Variants in RAP1GDS1 observed in about 807,000 individuals in gnomAD.
RAP1GDS1 encodes the protein Rap1 GTPase-GDP dissociation stimulator 1.
RAP1GDS1 carries 35 observed loss-of-function variants against 71.1 expected under a neutral mutation model. The observed-to-expected ratio is 0.49, with a 90% CI of 0.38 to 0.65. The LOEUF (loss-of-function observed/expected upper bound fraction) is 0.65. Among genes scored for constraint, RAP1GDS1 ranks in the 30% least tolerant of loss-of-function variants. RAP1GDS1 has a pLI of 0.00. For synonymous variants in RAP1GDS1, 229 were observed against 243.1 expected, an observed-to-expected ratio of 0.94 and a Z score of 0.54; for missense variants, 663 against 706.1, an observed-to-expected ratio of 0.94 and a Z score of 0.69.
chr4:98,402,893 G>A lies in RAP1GDS1; in HGVS notation c.638-1584G>A, dbSNP rs187923206. Among the ~76,000 whole-genome samples the A allele has an allele frequency of 3.2e-3, 486 of 152,232 alleles. 2 individuals are homozygous for A. The highest frequency in any genetic ancestry group is 0.011 in the African/African-American group (457 of 41,544). ...AGCTTATAGTTTAGTGTGTAAGATG[G>A]ACATTTATTTTAAAATAGTTTGCAA... On this transcript the variant is annotated intron_variant, in intron 6 of 14. Coordinates refer to ENST00000408927, the MANE Select transcript of RAP1GDS1 (RefSeq NM_001100427.2).
At chr4:98,368,006 G>C (rs1472832815) in intron 4 of RAP1GDS1, among the ~76,000 whole-genome samples, 1 of 152,050 alleles carries the variant, frequency 6.6e-6, no homozygotes, top group Non-Finnish European at 1.5e-5. Flanking sequence ...GAGGGGCCGG[G>C]GGTGGAATGA....
intron 5 of RAP1GDS1, chr4:98,387,572 C>T: frequency 4.9e-6 from 2 of 412,068 alleles, no homozygotes; most frequent in Non-Finnish European, 1.0e-5. Context: ...ATCTGTATTG[C>T]ACCCCCTCAG....
At chr4:98,411,911 C>G (rs1364493992) in intron 7 of RAP1GDS1, among the ~76,000 whole-genome samples, 1 of 152,178 alleles carries the variant, frequency 6.6e-6, no homozygotes, top group Non-Finnish European at 1.5e-5. Flanking sequence ...CCCTAGCATT[C>G]TGTAACCAAG....
chr4:98,333,984 A>G (rs146910107), intron 2 of RAP1GDS1, among the ~76,000 whole-genome samples: 27 of 152,298 alleles, frequency 1.8e-4, no homozygotes, highest in African/African-American at 6.3e-4. Context: ...CTGTCTGACC[A>G]GTAAACTTAG....
At chr4:98,349,495 T>A (rs1736818526) in intron 3 of RAP1GDS1, among the ~76,000 whole-genome samples, 1 of 152,224 alleles carries the variant, frequency 6.6e-6, no homozygotes, top group Non-Finnish European at 1.5e-5. Flanking sequence ...TTTTTCCAAT[T>A]CTGTGAAGGA....
At chr4:98,263,624 T>C (rs1578231968) in intron 1 of RAP1GDS1, among the ~76,000 whole-genome samples, 1 of 152,228 alleles carries the variant, frequency 6.6e-6, no homozygotes, top group African/African-American at 2.4e-5. Context: ...CATTTAATCA[T>C]GAGTCCCAGA....
chr4:98,303,599 G>A (rs1296307179), intron 2 of RAP1GDS1, among the ~76,000 whole-genome samples: 3 of 144,544 alleles, frequency 2.1e-5, no homozygotes, highest in African/African-American at 7.6e-5. Context: ...GAAAATGCAG[G>A]TTAGAAGAAA....
At position 98,352,586 on chromosome 4, in the gene RAP1GDS1, A is replaced by G. The variant is rs1218164330; in HGVS notation, c.346A>G (p.Ile116Val). 3.7e-6 allele frequency: 6 copies of G among 1,613,816 alleles called. No individual in the cohort carries two copies. In the Admixed American group the frequency reaches 8.3e-5, roughly 22 times the overall value. Reference sequence around the variant, plus strand: ...TCAAACGGGCAGGGCTCTAGGAAACATATGTTACGATAGCCGTAAGTGTTG... The same window carrying G: ...TCAAACGGGCAGGGCTCTAGGAAACGTATGTTACGATAGCCGTAAGTGTTG... Reference protein sequence around the residue: ...LLQTGRALGNICYDSHEGRSA... With the variant: ...LLQTGRALGNVCYDSHEGRSA... Residue 116 changes from isoleucine (I) to valine (V), a missense_variant, in exon 4 of 15, where the codon ATA becomes GTA. Physicochemically the swap from Ile to Val is conservative, Grantham distance 29 (BLOSUM62 3). Coordinates refer to ENST00000408927, the MANE Select transcript of RAP1GDS1 (RefSeq NM_001100427.2).
In RAP1GDS1 at chr4:98,380,911, C is replaced by A. The variant is rs948297180; in HGVS notation, c.508+1748C>A. ...TTTGAGGAAGCTGTTAAAAAAAAATCTGTATAGAGGTATTAATATATCAGA... is the reference window on the plus strand; with the variant it reads ...TTTGAGGAAGCTGTTAAAAAAAAATATGTATAGAGGTATTAATATATCAGA... On this transcript the variant is annotated intron_variant, in intron 5 of 14. Coordinates refer to ENST00000408927, the MANE Select transcript of RAP1GDS1 (RefSeq NM_001100427.2). 1.6e-4 allele frequency among the ~76,000 whole-genome samples: 25 copies of A among 151,560 alleles called. 1 individual carries two copies. The highest frequency in any genetic ancestry group is 4.4e-5 in the Non-Finnish European group (3 of 67,698).
rs2110217635 is a variant in RAP1GDS1 at position 98,434,025 on chromosome 4, T to C, written c.1530T>C (p.Ala510=). 6.2e-7 allele frequency: 1 copy of C among 1,613,828 alleles called. No homozygotes were observed. Residue 510 remains alanine, a synonymous_variant, in exon 13 of 15, where the codon GCT becomes GCC. Coordinates refer to ENST00000408927, the MANE Select transcript of RAP1GDS1 (RefSeq NM_001100427.2). The part of the protein sequence containing the change: ...TSEHVIMQNE[A]LVALALIAAL... ...AACATGTAATAATGCAGAATGAAGCTCTTGTTGCTTTGGCATTAATAGCAG... is the reference window on the plus strand; with the variant it reads ...AACATGTAATAATGCAGAATGAAGCCCTTGTTGCTTTGGCATTAATAGCAG...
chr4:98,403,396 T>G (rs1429578248), intron 6 of RAP1GDS1, among the ~76,000 whole-genome samples: 2 of 152,120 alleles, frequency 1.3e-5, no homozygotes, highest in Non-Finnish European at 2.9e-5. Flanking sequence ...TTATTAGATG[T>G]GGAAGTTGAG....
At chr4:98,427,666 A>G (rs1749802932) in intron 12 of RAP1GDS1, among the ~76,000 whole-genome samples, 2 of 152,310 alleles carry the variant, frequency 1.3e-5, no homozygotes, top group South Asian at 4.1e-4. Context: ...AACCATGGAG[A>G]TGTAGTTTTA....
At chr4:98,394,435 G>GTCT (rs1379261701) in intron 6 of RAP1GDS1, among the ~76,000 whole-genome samples, 1 of 152,084 alleles carries the variant, frequency 6.6e-6, no homozygotes, top group Non-Finnish European at 1.5e-5. Flanking sequence ...AGTTACAGGA[G>GTCT]TCTTTTTTTT....
intron 1 of RAP1GDS1, among the ~76,000 whole-genome samples, chr4:98,262,029 G>T (rs1214917385): frequency 6.6e-6 from 1 of 152,214 alleles, no homozygotes; most frequent in Non-Finnish European, 1.5e-5. Context: ...CCCCGTCGTG[G>T]AGACTCCTCA....
rs533391962 is a variant in RAP1GDS1, at chr4:98,360,011, T to A, written c.361+7410T>A. Among the ~76,000 whole-genome samples the A allele has an allele frequency of 2.1e-3, 315 of 152,342 alleles. 2 individuals carry two copies. Among genetic ancestry groups the A allele is most frequent in the Non-Finnish European group, 2.7e-3 (184 of 68,026 alleles). On this transcript the variant is annotated intron_variant, in intron 4 of 14. Transcript: ENST00000408927. ...CTATCTCTTCAGATAGTTTACACTTTGAGAAACTATGATCTTTCCATTTTT... is the reference window on the plus strand; with the variant it reads ...CTATCTCTTCAGATAGTTTACACTTAGAGAAACTATGATCTTTCCATTTTT...
At chr4:98,319,380 A>G (rs1006182409) in intron 2 of RAP1GDS1, among the ~76,000 whole-genome samples, 1 of 152,200 alleles carries the variant, frequency 6.6e-6, no homozygotes, top group African/African-American at 2.4e-5. Context: ...CTCAAGATAT[A>G]TGGTATAGGT....
At chr4:98,318,992 G>C (rs530819960) in intron 2 of RAP1GDS1, among the ~76,000 whole-genome samples, 4 of 152,132 alleles carry the variant, frequency 2.6e-5, no homozygotes, top group African/African-American at 7.2e-5. Context: ...TCTCTGGGGG[G>C]GGAAATGAGG....
rs1198050470 is a variant in RAP1GDS1, at chr4:98,438,654, G to A, written c.1696+1586G>A. On this transcript the variant is annotated intron_variant, in intron 14 of 14. Transcript: ENST00000408927. ...GTCACCCAGGCTGGAGTGCAGTGGC[G>A]TGATTTTGGCACACTGCAACTTCTT... is the stretch of plus-strand genomic sequence containing the variant. Among the ~76,000 whole-genome samples, 7 of 143,026 alleles carry A rather than the reference G, an allele frequency of 4.9e-5. 1 individual carries two copies. Among genetic ancestry groups the A allele is most frequent in the South Asian group, 4.4e-4 (2 of 4,500 alleles). The allele number at this position is 143,026 out of a possible 152,430, so 93.8% of individuals were successfully genotyped here. A position where few individuals can be genotyped will look rare whatever the true frequency, so the allele number is the denominator to read the frequency against.
intron 4 of RAP1GDS1, among the ~76,000 whole-genome samples, chr4:98,375,075 A>G (rs1345723531): frequency 2.6e-5 from 4 of 151,328 alleles, no homozygotes; most frequent in African/African-American, 9.8e-5. Flanking sequence ...AAAATAAGAG[A>G]AGTTTATTGT....
Sources: gnomAD v4.1 joint callset for allele counts (sites outside exome capture counted in the v4.1 genomes callset) on GRCh38, gnomAD v4.1.1 for gene constraint, MANE v1.5 for transcripts, NCBI Gene and HGNC (gene_info 2026-07-23, HGNC 2026-07-21) for gene names.